Variants in GRID2 observed in about 807,000 individuals in gnomAD.
GRID2 encodes glutamate ionotropic receptor delta type subunit 2, also known as glutamate receptor ionotropic, delta-2.
Under a neutral mutation model 114.8 loss-of-function variants are expected in GRID2, and 33 were observed. The ratio of observed to expected loss-of-function variants is 0.29; its 90% CI spans 0.22 to 0.38. GRID2 has a LOEUF of 0.38. Among genes scored for constraint, GRID2 ranks in the 10% least tolerant of loss-of-function variants. The probability of loss-of-function intolerance (pLI) is 1.00; values close to 1 mark genes in which losing one functional copy is unlikely to be tolerated. For synonymous variants in GRID2, 505 were observed against 449.9 expected (o/e 1.12, Z -1.55); for missense variants, 1,184 against 1,257.7 (o/e 0.94, Z 0.89).
intron 2 of GRID2, among the ~76,000 whole-genome samples, chr4:92,649,694 A>C (rs2149260731): frequency 6.6e-6 from 1 of 152,166 alleles, no homozygotes; most frequent in African/African-American, 2.4e-5. Flanking sequence ...TAACAAGATC[A>C]TAATTCTGCT....
intron 13 of GRID2, among the ~76,000 whole-genome samples, chr4:93,531,875 A>G (rs961038468): frequency 1.3e-5 from 2 of 151,940 alleles, no homozygotes; most frequent in East Asian, 1.9e-4. Context: ...ATTTTTCCCT[A>G]TTAGAATTAG....
intron 13 of GRID2, among the ~76,000 whole-genome samples, chr4:93,613,745 G>T (rs1741242687): frequency 6.7e-6 from 1 of 150,148 alleles, no homozygotes; most frequent in Non-Finnish European, 1.5e-5. Context: ...TAAGTCTGCA[G>T]AGGTTACTGC....
chr4:92,333,553 C>T (rs946397015), intron 1 of GRID2, among the ~76,000 whole-genome samples: 2 of 152,118 alleles, frequency 1.3e-5, no homozygotes, highest in Non-Finnish European at 2.9e-5. Context: ...CCTTTTTCAT[C>T]TTTACATGGC....
chr4:92,630,906 A>C (rs757707539), intron 2 of GRID2, among the ~76,000 whole-genome samples: 1 of 152,064 alleles, frequency 6.6e-6, no homozygotes, highest in South Asian at 2.1e-4. Context: ...CTATGCATTG[A>C]AATTGTGAAC....
intron 1 of GRID2, among the ~76,000 whole-genome samples, chr4:92,538,860 A>G (rs1385862090): frequency 6.6e-6 from 1 of 151,920 alleles, no homozygotes. Context: ...GGCTAACACC[A>G]TGAAACCCCG....
intron 4 of GRID2, among the ~76,000 whole-genome samples, chr4:93,136,178 G>A (rs1377206560): frequency 1.3e-5 from 2 of 151,578 alleles, no homozygotes; most frequent in Admixed American, 6.6e-5. Context: ...ATCTGCCTCC[G>A]CAGGCTGTTC....
chr4:92,872,050 C>T (rs1054563776), intron 2 of GRID2, among the ~76,000 whole-genome samples: 3 of 151,892 alleles, frequency 2.0e-5, no homozygotes, highest in African/African-American at 7.3e-5. Flanking sequence ...TATTTGTGTA[C>T]ATATAGGTTA....
intron 13 of GRID2, among the ~76,000 whole-genome samples, chr4:93,581,438 G>A (rs207464885): frequency 5.9e-5 from 9 of 152,136 alleles, no homozygotes; most frequent in South Asian, 2.1e-4. Flanking sequence ...ATTTATATCC[G>A]TAAATATGTT....
intron 8 of GRID2, among the ~76,000 whole-genome samples, chr4:93,314,254 A>C (rs1423180508): frequency 6.8e-6 from 1 of 146,440 alleles, no homozygotes; most frequent in Non-Finnish European, 1.5e-5. Context: ...GCAGTGAGCC[A>C]AGATCGTACA....
chr4:92,971,561 T>C (rs974567976), intron 2 of GRID2, among the ~76,000 whole-genome samples: 1 of 152,098 alleles, frequency 6.6e-6, no homozygotes, highest in Non-Finnish European at 1.5e-5. Context: ...AAATCCTCTT[T>C]TCTAGCTTTT....
chr4:92,477,039 ATGTGTGTG>A (rs70940894), intron 1 of GRID2, among the ~76,000 whole-genome samples: 9,438 of 119,258 alleles, frequency 0.079, 521 homozygotes, highest in African/African-American at 0.16. Flanking sequence ...ATTTAACTTC[ATGTGTGTG>A]TGTGTGTGTG....
At chr4:93,774,584 CTG>C (rs981048759), downstream of GRID2, 3 of 152,134 alleles carry the variant, frequency 2.0e-5, no homozygotes, top group African/African-American at 7.2e-5. Context: ...GAAGTCTTAA[CTG>C]TAAGATTTGA....
chr4:93,119,851 C>G (rs188603205), intron 4 of GRID2, among the ~76,000 whole-genome samples: 8 of 152,074 alleles, frequency 5.3e-5, no homozygotes, highest in Admixed American at 4.6e-4. Flanking sequence ...AAAAGGGTGC[C>G]CTTTTAAGAA....
intron 8 of GRID2, among the ~76,000 whole-genome samples, chr4:93,344,208 A>G (rs6830745): frequency 0.032 from 4,798 of 152,138 alleles, 158 homozygotes; most frequent in African/African-American, 0.078. Flanking sequence ...ATTCAGAACC[A>G]TGTTAATTGC....
intron 2 of GRID2, among the ~76,000 whole-genome samples, chr4:92,825,785 G>T (rs181478870): frequency 2.0e-5 from 3 of 152,232 alleles, no homozygotes; most frequent in East Asian, 3.9e-4. Context: ...ATGTTCAATA[G>T]ACACCTGGAC....
intron 2 of GRID2, among the ~76,000 whole-genome samples, chr4:92,754,893 C>T (rs983269456): frequency 2.0e-5 from 3 of 152,112 alleles, no homozygotes; most frequent in African/African-American, 7.2e-5. Flanking sequence ...TTTTCATTTA[C>T]ATCTATTGTA....
At chr4:93,286,217 G>GA (rs1753135034) in intron 8 of GRID2, among the ~76,000 whole-genome samples, 1 of 152,062 alleles carries the variant, frequency 6.6e-6, no homozygotes, top group South Asian at 2.1e-4. Flanking sequence ...GTTGTTCTCT[G>GA]AAGTCATTAT....
At chr4:93,164,870 C>G (rs1738098774) in intron 4 of GRID2, 1 of 284,932 alleles carries the variant, frequency 3.5e-6, no homozygotes, top group Non-Finnish European at 7.5e-6. Context: ...ATGCGTACCT[C>G]TGATATTGAC....
At chr4:93,795,677 C>A (rs1431912889) in intron 1 of GRID2, among the ~76,000 whole-genome samples, 1 of 152,064 alleles carries the variant, frequency 6.6e-6, no homozygotes, top group African/African-American at 2.4e-5. Context: ...TAGGATTCTT[C>A]CTAACTTCTG....
Sources: gnomAD v4.1 joint callset for allele counts (sites outside exome capture counted in the v4.1 genomes callset) on GRCh38, gnomAD v4.1.1 for gene constraint, MANE v1.5 for transcripts, NCBI Gene and HGNC (gene_info 2026-07-23, HGNC 2026-07-21) for gene names.